PRKN: variants seen among roughly 807,000 people sequenced by gnomAD.
PRKN encodes the protein parkin RBR E3 ubiquitin protein ligase, also known as E3 ubiquitin-protein ligase parkin.
A neutral mutation model predicts 59.5 loss-of-function variants in PRKN; 56 were observed. That is an observed-to-expected ratio of 0.94 (90% CI 0.76 to 1.18). The LOEUF is 1.18. PRKN is among the 50% of genes most tolerant of loss of function. PRKN has a pLI of 0.00. For missense variants in PRKN, 657 were observed against 596.4 expected, an observed-to-expected ratio of 1.10 and a Z score of -1.06; for synonymous variants, 250 against 222.1, an observed-to-expected ratio of 1.13 and a Z score of -1.12.
intron 1 of PRKN, among the ~76,000 whole-genome samples, chr6:162,610,488 T>A (rs1782102097): frequency 6.6e-6 from 1 of 152,216 alleles, no homozygotes; most frequent in African/African-American, 2.4e-5. Flanking sequence ...GGCTCACATA[T>A]TGTATAATAT....
At chr6:161,885,705 GAAC>G (rs1364099131) in intron 6 of PRKN, among the ~76,000 whole-genome samples, 2 of 149,358 alleles carry the variant, frequency 1.3e-5, no homozygotes, top group Non-Finnish European at 3.0e-5. Context: ...CCCTCCTGTA[GAAC>G]AACATTCTCT....
chr6:162,665,673 G>C (rs1779073395), intron 1 of PRKN, among the ~76,000 whole-genome samples: 1 of 152,016 alleles, frequency 6.6e-6, no homozygotes, highest in African/African-American at 2.4e-5. Context: ...CACAGAATTA[G>C]AAAAAAACTA....
chr6:161,782,780 G>A (rs1476789544), intron 7 of PRKN, among the ~76,000 whole-genome samples: 1 of 152,060 alleles, frequency 6.6e-6, no homozygotes, highest in Non-Finnish European at 1.5e-5. Flanking sequence ...TGTAGTCCCA[G>A]CTACTTGGGA....
chr6:161,910,847 A>C (rs1200923506), intron 6 of PRKN, among the ~76,000 whole-genome samples: 1 of 152,236 alleles, frequency 6.6e-6, no homozygotes, highest in East Asian at 1.9e-4. Flanking sequence ...CTCTACCAGC[A>C]AAAAGATTAT....
intron 3 of PRKN, among the ~76,000 whole-genome samples, chr6:162,209,615 C>T (rs1279283869): frequency 6.6e-6 from 1 of 152,032 alleles, no homozygotes; most frequent in Non-Finnish European, 1.5e-5. Context: ...TATATACACC[C>T]AAAGGATTAT....
chr6:161,938,253 TA>T (rs1779427472), intron 6 of PRKN, among the ~76,000 whole-genome samples: 1 of 152,202 alleles, frequency 6.6e-6, no homozygotes, highest in Non-Finnish European at 1.5e-5. Flanking sequence ...GGAAGACAGG[TA>T]AAATCCTGGC....
rs544513849 is a variant in PRKN, at chr6:161,352,819, C to T, written c.1286-2608G>A. Among the ~76,000 whole-genome samples, 6 of 150,730 alleles carry T rather than the reference C, an allele frequency of 4.0e-5. No homozygotes were observed. Among genetic ancestry groups the T allele is most frequent in the African/African-American group, 1.5e-4 (6 of 40,874 alleles). On this transcript the variant is annotated intron_variant, in intron 11 of 11. Transcript: ENST00000366898. This position sits in a 1 kb window ranked among gnomAD's most constrained non-coding sequence, Gnocchi z 5.8. ...TTTTTGAGATGGAGTCTCGCTCTGT[C>T]GCCCAGGCTGGAGTACAGGGCGCGA...
intron 1 of PRKN, among the ~76,000 whole-genome samples, chr6:162,502,171 C>CT (rs1192978490): frequency 2.0e-5 from 3 of 152,032 alleles, no homozygotes; most frequent in Admixed American, 6.6e-5. Flanking sequence ...TCCCACGCCC[C>CT]TCTTTTTTGA....
chr6:162,488,030 T>TC lies in PRKN; in HGVS notation c.8-44558_8-44557insG, dbSNP rs1554229702. Among the ~76,000 whole-genome samples the TC allele has an allele frequency of 2.3e-5, 3 of 128,576 alleles. No homozygotes were observed. The East Asian group carries it at 8.1e-4, about 35-fold the overall frequency. The allele number at this position is 128,576 out of a possible 152,430, so 84.4% of individuals were successfully genotyped here. A position where few individuals can be genotyped will look rare whatever the true frequency, so the allele number is the denominator to read the frequency against. On this transcript the variant is annotated intron_variant, in intron 1 of 11. Coordinates refer to ENST00000366898, the MANE Select transcript of PRKN (RefSeq NM_004562.3). ...AGACACTACATCCACCATTTCCCTT[T>TC]TTTTTTTTTTTTTTTTTTTTTTGGC...
chr6:162,207,712 C>T (rs958610066), intron 3 of PRKN, among the ~76,000 whole-genome samples: 1 of 152,188 alleles, frequency 6.6e-6, no homozygotes, highest in East Asian at 1.9e-4. Flanking sequence ...AATGCGCTCA[C>T]CTTGACCTTT....
chr6:161,591,048 A>C (rs1781703901), intron 7 of PRKN, among the ~76,000 whole-genome samples: 1 of 152,204 alleles, frequency 6.6e-6, no homozygotes, highest in Non-Finnish European at 1.5e-5. Flanking sequence ...GTGGTTACAT[A>C]ACAGATTACT....
intron 9 of PRKN, among the ~76,000 whole-genome samples, chr6:161,482,393 TA>T (rs1335871493): frequency 6.6e-6 from 1 of 152,194 alleles, no homozygotes; most frequent in Non-Finnish European, 1.5e-5. Flanking sequence ...GAAGCTTATA[TA>T]AAAAGTTGTC....
intron 7 of PRKN, among the ~76,000 whole-genome samples, chr6:161,671,621 G>A (rs938921607): frequency 3.3e-5 from 5 of 152,184 alleles, no homozygotes; most frequent in East Asian, 1.9e-4. Context: ...TGAACTGGCC[G>A]GCCAATAAAA....
chr6:161,532,772 G>A (rs4499907), intron 9 of PRKN, among the ~76,000 whole-genome samples: 10,892 of 152,182 alleles, frequency 0.072, 514 homozygotes, highest in African/African-American at 0.13. Flanking sequence ...GTGCATGCAC[G>A]TGGATGCTGG....
rs535576332 is a variant in PRKN, at chr6:161,708,518, G to C, written c.871+77254C>G. Among the ~76,000 whole-genome samples the C allele has an allele frequency of 2.0e-5, 3 of 151,652 alleles. No individual in the cohort carries two copies. The South Asian group carries it at 6.3e-4, about 32-fold the overall frequency. ...GAAAATTGGAGGATTCTGTGTATGG[G>C]GGGGAGGTATTTCTGGACTTAGTGA... On this transcript the variant is annotated intron_variant, in intron 7 of 11. Coordinates refer to ENST00000366898, the MANE Select transcript of PRKN (RefSeq NM_004562.3).
In PRKN at chr6:161,363,218, G is replaced by T. The variant is rs551546879; in HGVS notation, c.1168-3013C>A. Among the ~76,000 whole-genome samples the T allele has an allele frequency of 1.3e-5, 2 of 152,130 alleles. No individual in the cohort carries two copies. The highest frequency in any genetic ancestry group is 2.9e-5 in the Non-Finnish European group (2 of 68,020). ...GATTTTGCCACTGCATTCCAGTCCC[G>T]GTGATGGAGTGGGACTCTGTCTCAA... On this transcript the variant is annotated intron_variant, in intron 10 of 11. Coordinates refer to ENST00000366898, the MANE Select transcript of PRKN (RefSeq NM_004562.3). The surrounding 1 kb of genome is among the most constrained non-coding windows in gnomAD (Gnocchi z 4.1).
At position 161,525,866 on chromosome 6, in the gene PRKN, G is replaced by T. The variant is rs1042950172; in HGVS notation, c.1083+22988C>A. 6.6e-6 allele frequency among the ~76,000 whole-genome samples: 1 copy of T among 151,824 alleles called. No homozygotes were observed. Among genetic ancestry groups the T allele is most frequent in the African/African-American group, 2.4e-5 (1 of 41,314 alleles). On this transcript the variant is annotated intron_variant, in intron 9 of 11. Transcript: ENST00000366898. The surrounding 1 kb of genome is among the most constrained non-coding windows in gnomAD (Gnocchi z 4.7). Reference sequence around the variant, plus strand: ...AAAATAATTATTTAAAGTAATTTTTGGAAAACAACCCAATAACTTAGATAA... The same window carrying T: ...AAAATAATTATTTAAAGTAATTTTTTGAAAACAACCCAATAACTTAGATAA...
At chr6:162,279,998 C>G (rs1780814173) in intron 2 of PRKN, among the ~76,000 whole-genome samples, 1 of 150,104 alleles carries the variant, frequency 6.7e-6, no homozygotes, top group African/African-American at 2.5e-5. Flanking sequence ...GCAAACTCTC[C>G]TTTTTTTTTG....
intron 2 of PRKN, among the ~76,000 whole-genome samples, chr6:162,413,775 T>A (rs1301595995): frequency 6.6e-6 from 1 of 152,238 alleles, no homozygotes; most frequent in East Asian, 1.9e-4. Context: ...CCTATTTTAA[T>A]AGTTTCATCT....
Sources: gnomAD v4.1 joint callset for allele counts (sites outside exome capture counted in the v4.1 genomes callset) on GRCh38, gnomAD v4.1.1 for gene constraint, Gnocchi (gnomAD v3.1) non-coding constraint, MANE v1.5 for transcripts, NCBI Gene and HGNC (gene_info 2026-07-23, HGNC 2026-07-21) for gene names.